The following SBF2 variants were observed in gnomAD, a reference collection of about 807,000 sequenced individuals.
SBF2 encodes myotubularin-related protein 13.
SBF2 carries 112 observed loss-of-function variants against 225.2 expected under a neutral mutation model. That is an observed-to-expected ratio of 0.50 (90% CI 0.43 to 0.58). The LOEUF (loss-of-function observed/expected upper bound fraction) is 0.58. Among genes scored for constraint, SBF2 ranks in the 20% least tolerant of loss-of-function variants. SBF2 has a pLI of 0.00. For synonymous variants in SBF2, 763 were observed against 773.3 expected, an observed-to-expected ratio of 0.99 and a Z score of 0.22; for missense variants, 1,996 against 2,206.2, an observed-to-expected ratio of 0.90 and a Z score of 1.91.
intron 6 of SBF2, among the ~76,000 whole-genome samples, chr11:10,020,564 T>C (rs1948813836): frequency 1.3e-5 from 2 of 152,166 alleles, no homozygotes; most frequent in African/African-American, 4.8e-5. Context: ...TAAAGCTTTT[T>C]AATAAACTTT....
intron 2 of SBF2, among the ~76,000 whole-genome samples, chr11:10,098,679 G>GCACACACACACA (rs56244507): frequency 2.3e-5 from 3 of 130,830 alleles, no homozygotes; most frequent in South Asian, 2.7e-4. Flanking sequence ...GACAAAAAAT[G>GCACACACACACA]CACACACACA....
At chr11:9,790,193 C>T (rs1852653295) in intron 34 of SBF2, among the ~76,000 whole-genome samples, 1 of 152,222 alleles carries the variant, frequency 6.6e-6, no homozygotes, top group African/African-American at 2.4e-5. Context: ...GGCTTTGGTA[C>T]AGATGAACTT....
intron 29 of SBF2, among the ~76,000 whole-genome samples, chr11:9,813,240 CATA>C (rs1854290763): frequency 6.6e-6 from 1 of 152,100 alleles, no homozygotes; most frequent in African/African-American, 2.4e-5. Context: ...AAAACATATT[CATA>C]ATAAAAATGA....
intron 2 of SBF2, among the ~76,000 whole-genome samples, chr11:10,186,459 G>C (rs1427169667): frequency 6.6e-6 from 1 of 152,128 alleles, no homozygotes; most frequent in East Asian, 1.9e-4. Flanking sequence ...TTGAGTCCAG[G>C]AGTTCGTGGT....
At chr11:9,919,557 G>A (rs1863425614) in intron 16 of SBF2, among the ~76,000 whole-genome samples, 1 of 152,038 alleles carries the variant, frequency 6.6e-6, no homozygotes, top group Non-Finnish European at 1.5e-5. Flanking sequence ...GGGGCTGCAT[G>A]CACCGGTAAT....
intron 17 of SBF2, among the ~76,000 whole-genome samples, chr11:9,889,484 CA>C (rs747834590): frequency 3.9e-5 from 6 of 152,084 alleles, no homozygotes; most frequent in Non-Finnish European, 5.9e-5. Context: ...ACTATAAAAT[CA>C]GGTAGAAATG....
intron 2 of SBF2, among the ~76,000 whole-genome samples, chr11:10,173,316 G>C (rs974407113): frequency 8.5e-5 from 13 of 152,208 alleles, no homozygotes; most frequent in Non-Finnish European, 1.6e-4. Flanking sequence ...CCGTGCGCAA[G>C]CCGAAGCAGG....
chr11:9,832,569 T>C lies in SBF2; in HGVS notation c.3456-149A>G. Reference sequence around the variant, plus strand: ...AATTTTCTAAGATTCAGAAACATATTAGTTGAAGGGTAAGATATATTTATT... The same window carrying C: ...AATTTTCTAAGATTCAGAAACATATCAGTTGAAGGGTAAGATATATTTATT... On this transcript the variant is annotated intron_variant, in intron 26 of 39. Coordinates refer to ENST00000256190, the MANE Select transcript of SBF2 (RefSeq NM_030962.4). The C allele has an allele frequency of 7.5e-6, 5 of 666,756 alleles. No individual in the cohort carries two copies. The Middle Eastern group carries it at 1.1e-3, about 152-fold the overall frequency. The allele number at this position is 666,756 out of a possible 1,614,324, so 41.3% of individuals were successfully genotyped here.
At chr11:10,233,612 CAA>C (rs35039499) in intron 1 of SBF2, among the ~76,000 whole-genome samples, 85 of 134,220 alleles carry the variant, frequency 6.3e-4, no homozygotes, top group Admixed American at 7.5e-4. Context: ...GATAATTCTC[CAA>C]AAAAAAAAAA....
chr11:9,917,002 G>C (rs956738061), intron 16 of SBF2, among the ~76,000 whole-genome samples: 2 of 151,516 alleles, frequency 1.3e-5, no homozygotes, highest in Admixed American at 1.3e-4. Flanking sequence ...ATTATACTTA[G>C]ACATTTAATT....
rs1856485648 is a variant in SBF2 at position 9,845,577 on chromosome 11, T to C, written c.3098A>G (p.Asn1033Ser). 6.2e-7 allele frequency: 1 copy of C among 1,613,760 alleles called. No individual in the cohort carries two copies. Among genetic ancestry groups the C allele is most frequent in the Non-Finnish European group, 8.5e-7 (1 of 1,179,662 alleles). ...TCTTTCTTCTTACCGAAAAGAAGTG[T>C]TCTTTTCCTTCTGTTTTGGTAAAAT... ...QIILPKQKEK[N>S]TSFRTFSKTI... Residue 1033 changes from asparagine to serine, a missense_variant, in exon 24 of 40, where the codon AAC (asparagine) becomes AGC (serine). Physicochemically the swap from Asn to Ser is conservative, Grantham distance 46. Coordinates refer to ENST00000256190, the MANE Select transcript of SBF2 (RefSeq NM_030962.4).
chr11:9,866,720 T>C (rs1381433064), intron 17 of SBF2, among the ~76,000 whole-genome samples: 3 of 152,098 alleles, frequency 2.0e-5, no homozygotes, highest in Non-Finnish European at 4.4e-5. Context: ...AAAGCAAAAA[T>C]AGACAAATGG....
chr11:10,284,077 TTTAAA>T (rs1343122837), intron 1 of SBF2, among the ~76,000 whole-genome samples: 1 of 152,252 alleles, frequency 6.6e-6, no homozygotes, highest in Non-Finnish European at 1.5e-5. Flanking sequence ...CTTATAGCTT[TTTAAA>T]TTAAACTTTT....
At chr11:10,173,000 C>A (rs1303551047) in intron 2 of SBF2, among the ~76,000 whole-genome samples, 2 of 152,316 alleles carry the variant, frequency 1.3e-5, no homozygotes, top group Admixed American at 1.3e-4. Context: ...CATGGACCCA[C>A]AGGTCATTCA....
chr11:9,983,608 G>A (rs955993703), intron 13 of SBF2, among the ~76,000 whole-genome samples: 2 of 152,150 alleles, frequency 1.3e-5, no homozygotes, highest in African/African-American at 4.8e-5. Flanking sequence ...ACCACCTCCT[G>A]ACAGGAGGCC....
At chr11:9,984,851 G>A (rs1184564203) in intron 13 of SBF2, among the ~76,000 whole-genome samples, 1 of 152,084 alleles carries the variant, frequency 6.6e-6, no homozygotes, top group Non-Finnish European at 1.5e-5. Context: ...ATGAAAGAAA[G>A]ATACAGTCAT....
intron 26 of SBF2, among the ~76,000 whole-genome samples, chr11:9,834,976 C>T (rs1275338963): frequency 6.6e-6 from 1 of 152,118 alleles, no homozygotes; most frequent in Admixed American, 6.5e-5. Context: ...CATGGGCTTG[C>T]ATGACAGCTG....
chr11:9,944,172 T>C (rs1407389137), intron 16 of SBF2, among the ~76,000 whole-genome samples: 1 of 152,194 alleles, frequency 6.6e-6, no homozygotes, highest in East Asian at 1.9e-4. Context: ...GAATTATATT[T>C]TAAGAGTACA....
chr11:9,804,802 T>G (rs1409441543), intron 32 of SBF2, among the ~76,000 whole-genome samples: 2 of 152,246 alleles, frequency 1.3e-5, no homozygotes, highest in Non-Finnish European at 2.9e-5. Flanking sequence ...TGAGTGGTAT[T>G]CCACTGAATT....
Sources: gnomAD v4.1 joint callset for allele counts (sites outside exome capture counted in the v4.1 genomes callset) on GRCh38, gnomAD v4.1.1 for gene constraint, MANE v1.5 for transcripts, NCBI Gene and HGNC (gene_info 2026-07-23, HGNC 2026-07-21) for gene names.